The following SEZ6L variants were observed in gnomAD, a reference collection of about 807,000 sequenced individuals.
SEZ6L encodes seizure 6-like protein.
A neutral mutation model predicts 106.2 loss-of-function variants in SEZ6L; 37 were observed. The ratio of observed to expected loss-of-function variants is 0.35; its 90% CI spans 0.27 to 0.46. The LOEUF is 0.46. Among genes scored for constraint, SEZ6L ranks in the 20% least tolerant of loss-of-function variants. SEZ6L has a pLI of 1.00. For missense variants in SEZ6L, 1,172 were observed against 1,332.8 expected (o/e 0.88, Z 1.88); for synonymous variants, 541 against 570.4 (o/e 0.95, Z 0.73).
At chr22:26,298,930 TC>T in intron 4 of SEZ6L, 53 bp from the exon 5 acceptor site, 1 of 1,490,606 alleles carries the variant, frequency 6.7e-7, no homozygotes, top group Admixed American at 2.1e-5. Context: ...TGGGTCAGGT[TC>T]TTGATCTGCC....
chr22:26,331,006 TA>T (rs2082462971), intron 9 of SEZ6L, among the ~76,000 whole-genome samples: 1 of 152,204 alleles, frequency 6.6e-6, no homozygotes, highest in Non-Finnish European at 1.5e-5. Context: ...TAGAAAGGAA[TA>T]AGGAAAAGAA....
chr22:26,377,212 G>T (rs1177884187), intron 15 of SEZ6L, among the ~76,000 whole-genome samples: 1 of 152,166 alleles, frequency 6.6e-6, no homozygotes, highest in Non-Finnish European at 1.5e-5. Context: ...GGAGGCAGAG[G>T]TTGCAGTGAG....
At chr22:26,245,094 G>C (rs963388346) in intron 1 of SEZ6L, among the ~76,000 whole-genome samples, 24 of 152,184 alleles carry the variant, frequency 1.6e-4, no homozygotes, top group African/African-American at 5.5e-4. Context: ...ATCTGCCTTT[G>C]TTGGGGCGCT....
intron 9 of SEZ6L, among the ~76,000 whole-genome samples, chr22:26,323,968 T>C (rs992162564): frequency 2.0e-5 from 3 of 152,016 alleles, no homozygotes; most frequent in South Asian, 4.1e-4. Context: ...AAACTGAGGC[T>C]GAGAGAGATG....
At chr22:26,300,449 C>A (rs2081419354) in intron 5 of SEZ6L, among the ~76,000 whole-genome samples, 1 of 152,180 alleles carries the variant, frequency 6.6e-6, no homozygotes, top group Non-Finnish European at 1.5e-5. Flanking sequence ...ATGATGGTTT[C>A]CAGCTTCATC....
intron 1 of SEZ6L, among the ~76,000 whole-genome samples, chr22:26,264,686 C>T (rs186679549): frequency 3.3e-3 from 502 of 152,214 alleles, no homozygotes; most frequent in Middle Eastern, 0.01. Flanking sequence ...ATGAAAGCAT[C>T]CTTAGACAAT....
intron 1 of SEZ6L, among the ~76,000 whole-genome samples, chr22:26,255,442 A>G (rs1378343056): frequency 6.6e-6 from 1 of 152,204 alleles, no homozygotes; most frequent in Non-Finnish European, 1.5e-5. Flanking sequence ...TCTCCAAACA[A>G]AGAAGATGGC....
At chr22:26,298,418 T>C (rs1207235041) in intron 4 of SEZ6L, among the ~76,000 whole-genome samples, 1 of 152,202 alleles carries the variant, frequency 6.6e-6, no homozygotes, top group Non-Finnish European at 1.5e-5. Flanking sequence ...CTGTATTATC[T>C]CATTTAATCC....
intron 5 of SEZ6L, among the ~76,000 whole-genome samples, chr22:26,300,128 G>A (rs1182852046): frequency 1.3e-5 from 2 of 151,196 alleles, no homozygotes; most frequent in Non-Finnish European, 2.9e-5. Context: ...ATCTTCTTTG[G>A]GGAGATGTCT....
chr22:26,338,641 C>T (rs2082720032), intron 9 of SEZ6L, among the ~76,000 whole-genome samples: 1 of 152,058 alleles, frequency 6.6e-6, no homozygotes. Context: ...CTCACTTCAA[C>T]CTCCACCTCC....
chr22:26,218,397 C>G (rs1050948671), intron 1 of SEZ6L, among the ~76,000 whole-genome samples: 2 of 152,170 alleles, frequency 1.3e-5, no homozygotes, highest in African/African-American at 4.8e-5. Context: ...CTAATGCTCT[C>G]CCTCCCCTTG....
intron 3 of SEZ6L, among the ~76,000 whole-genome samples, chr22:26,296,178 T>C (rs2081295201): frequency 6.6e-6 from 1 of 152,102 alleles, no homozygotes; most frequent in Admixed American, 6.5e-5. Flanking sequence ...CTAAAGTATC[T>C]CGCTTCTTTC....
At chr22:26,340,003 G>A (rs909778319) in intron 9 of SEZ6L, among the ~76,000 whole-genome samples, 11 of 152,152 alleles carry the variant, frequency 7.2e-5, no homozygotes, top group African/African-American at 2.7e-4. Context: ...GGGAGGCCGA[G>A]GTGGGCAGAT....
intron 10 of SEZ6L, among the ~76,000 whole-genome samples, chr22:26,346,801 G>A (rs1033507392): frequency 2.0e-5 from 3 of 152,170 alleles, no homozygotes; most frequent in Non-Finnish European, 2.9e-5. Context: ...ATTCAATAGA[G>A]AGCAAGAAGA....
rs184551989 is a variant in SEZ6L, at chr22:26,270,856, C to T, written c.95-21550C>T. Among the ~76,000 whole-genome samples the T allele has an allele frequency of 3.9e-5, 6 of 152,252 alleles. No homozygotes were observed. The East Asian group carries it at 1.2e-3, about 29-fold the overall frequency. The stretch of plus-strand genomic sequence containing the variant: ...TGCTCCCCAGCCTCGAGCTTCCAAC[C>T]CTCATAAGTGGGCAGCCACCTTGAA... On this transcript the variant is annotated intron_variant, in intron 1 of 16. Coordinates refer to ENST00000248933, the MANE Select transcript of SEZ6L (RefSeq NM_021115.5).
chr22:26,218,293 TG>T (rs2078355363), intron 1 of SEZ6L, among the ~76,000 whole-genome samples: 1 of 152,186 alleles, frequency 6.6e-6, no homozygotes, highest in Non-Finnish European at 1.5e-5. Flanking sequence ...CGTGCAGGTT[TG>T]TTACATAGGT....
intron 1 of SEZ6L, among the ~76,000 whole-genome samples, chr22:26,287,237 G>A (rs2080966087): frequency 6.6e-6 from 1 of 152,132 alleles, no homozygotes; most frequent in Non-Finnish European, 1.5e-5. Flanking sequence ...AGCAACATCA[G>A]CGTGCATTTA....
chr22:26,292,739 A>G lies in SEZ6L; in HGVS notation c.428A>G (p.Gln143Arg), dbSNP rs540410784. 6.2e-7 allele frequency: 1 copy of G among 1,614,020 alleles called. No individual in the cohort carries two copies. Among genetic ancestry groups the G allele is most frequent in the South Asian group, 1.1e-5 (1 of 91,082 alleles). ...RPKATSAATV[Q>R]RAGSQPASQG... is the part of the protein sequence containing the mutation. ...AAGGCCACCTCCGCAGCCACTGTCC[A>G]AAGGGCAGGGTCCCAGCCAGCGTCC... Residue 143 changes from glutamine to arginine, a missense_variant, in exon 2 of 17, where the codon CAA becomes CGA. Transcript: ENST00000248933.
At chr22:26,292,240 G>A in intron 1 of SEZ6L, 166 bp from the exon 2 acceptor site, 1 of 581,222 alleles carries the variant, frequency 1.7e-6, no homozygotes, top group Non-Finnish European at 3.0e-6. Context: ...GAGGGAAGGA[G>A]GAGAAAAAAG....
Sources: gnomAD v4.1 joint callset for allele counts (sites outside exome capture counted in the v4.1 genomes callset) on GRCh38, gnomAD v4.1.1 for gene constraint, MANE v1.5 for transcripts, NCBI Gene and HGNC (gene_info 2026-07-23, HGNC 2026-07-21) for gene names.